The following KIAA1614 variants were observed in gnomAD, a reference collection of about 807,000 sequenced individuals.
KIAA1614 encodes the protein KIAA1614, also known as uncharacterized protein KIAA1614.
KIAA1614 carries 76 observed loss-of-function variants against 88.7 expected under a neutral mutation model. The ratio of observed to expected loss-of-function variants is 0.86; its 90% CI spans 0.71 to 1.04. The LOEUF is 1.04. Among genes scored for constraint, KIAA1614 ranks in the 50% least tolerant of loss-of-function variants. The pLI is 0.00. For missense variants in KIAA1614, 1,553 were observed against 1,582.5 expected, an observed-to-expected ratio of 0.98 and a Z score of 0.32; for synonymous variants, 714 against 675.5, an observed-to-expected ratio of 1.06 and a Z score of -0.88.
chr1:180,925,857 G>A (rs1654056167), intron 3 of KIAA1614, among the ~76,000 whole-genome samples: 1 of 143,142 alleles, frequency 7.0e-6, no homozygotes, highest in Non-Finnish European at 1.6e-5. Context: ...CATCTGTGGT[G>A]GGAACTCCCC....
intron 3 of KIAA1614, among the ~76,000 whole-genome samples, chr1:180,924,794 A>G (rs1654031251): frequency 6.6e-6 from 1 of 151,956 alleles, no homozygotes; most frequent in South Asian, 2.1e-4. Flanking sequence ...AAGTGATCTC[A>G]TCACAGGTGA....
intron 2 of KIAA1614, 88 bp downstream of exon 2, chr1:180,917,188 G>A (rs1653836207): frequency 5.9e-6 from 6 of 1,008,618 alleles, no homozygotes; most frequent in African/African-American, 1.6e-5. Flanking sequence ...CCCACAGAGG[G>A]AGTGGGGCAG....
rs1282805355 is a variant in KIAA1614 at position 180,950,335 on chromosome 1, T to C, written c.*4747T>C. ...ATTGTGAAATTCTCCTGTTTTCCTC[T>C]GCAGGGATCTACGTGCAGGAGATGG... is the stretch of plus-strand genomic sequence containing the variant. On this transcript the variant is annotated 3_prime_UTR_variant, in exon 9 of 9. Transcript: ENST00000367588. 8.3e-7 allele frequency: 1 copy of C among 1,198,264 alleles called. No homozygotes were observed. The highest frequency in any genetic ancestry group is 1.1e-6 in the Non-Finnish European group (1 of 943,446). The allele number at this position is 1,198,264 out of a possible 1,614,324, so 74.2% of individuals were successfully genotyped here.
intron 3 of KIAA1614, among the ~76,000 whole-genome samples, chr1:180,918,588 G>A (rs1441416963): frequency 6.6e-6 from 1 of 152,180 alleles, no homozygotes; most frequent in African/African-American, 2.4e-5. Context: ...CACAGAGGTT[G>A]AACCCAGCCT....
chr1:180,925,983 C>G (rs1654059879), intron 3 of KIAA1614, among the ~76,000 whole-genome samples: 1 of 152,204 alleles, frequency 6.6e-6, no homozygotes, highest in South Asian at 2.1e-4. Flanking sequence ...GCCCCCACTG[C>G]TTGCAGATGG....
intron 6 of KIAA1614, among the ~76,000 whole-genome samples, chr1:180,939,442 T>C (rs993115829): frequency 1.2e-4 from 18 of 152,136 alleles, no homozygotes; most frequent in Non-Finnish European, 1.9e-4. Context: ...CACATCACTG[T>C]CTGTCTGCAC....
At position 180,916,214 on chromosome 1, in the gene KIAA1614, G is replaced by C. The variant is rs766867679; in HGVS notation, c.111G>C (p.Trp37Cys). ...TGGAGGGGACCTCAGCTGTGGAGTG[G>C]AGTGGTCCTGAGCCACAGCTGGATA... ...SPVEGTSAVE[W>C]SGPEPQLDNG... Residue 37 changes from tryptophan to cysteine, a missense_variant, in exon 2 of 9, where the codon TGG becomes TGC. Trp to Cys is a radical substitution (Grantham distance 215). Transcript: ENST00000367588. 6.2e-7 allele frequency: 1 copy of C among 1,611,594 alleles called. No homozygotes were observed. Among genetic ancestry groups the C allele is most frequent in the Admixed American group, 1.7e-5 (1 of 59,860 alleles).
In KIAA1614 at chr1:180,913,248, A is replaced by T; in HGVS notation, c.5A>T (p.Glu2Val). The T allele has an allele frequency of 7.9e-7, 1 of 1,261,186 alleles. No homozygotes were observed. The highest frequency in any genetic ancestry group is 3.4e-5 in the South Asian group (1 of 29,144). The allele number at this position is 1,261,186 out of a possible 1,614,324, so 78.1% of individuals were successfully genotyped here. ...AGGGCCTGGCCTCTCCGAGGGATGG[A>T]GGGGACAGAGGCGGCGGCGGCCAAA... Reference protein sequence around the residue: MEGTEAAAAKPA... With the variant: MVGTEAAAAKPA... The change falls in exon 1 of 9, where the codon GAG becomes GTG. Residue 2 changes from glutamate to valine, a missense_variant. By Grantham distance (121) the Glu-to-Val change is moderately radical. Transcript: ENST00000367588.
Position 180,943,547 on chromosome 1 carries a change from G to GTTTTTT in KIAA1614, c.3160-842_3160-841insTTTTTT, listed in dbSNP as rs1558073455. ...GGGATTGTAGGATTGAATGGTAGTA[G>GTTTTTT]ATCTTTTTTTTTTTTTTTTGAGACA... is the stretch of plus-strand genomic sequence containing the variant. On this transcript the variant is annotated intron_variant, in intron 7 of 8. Transcript: ENST00000367588. 1.9e-3 allele frequency among the ~76,000 whole-genome samples: 30 copies of GTTTTTT among 15,610 alleles called. 1 individual carries two copies. The highest frequency in any genetic ancestry group is 3.0e-3 in the Admixed American group (4 of 1,352). The allele number at this position is 15,610 out of a possible 152,430, so 10.2% of individuals were successfully genotyped here. A position where few individuals can be genotyped will look rare whatever the true frequency, so the allele number is the denominator to read the frequency against.
Position 180,936,352 on chromosome 1 carries a change from A to G in KIAA1614, c.2443A>G (p.Lys815Glu), listed in dbSNP as rs926480099. Residue 815 changes from lysine (K) to glutamate (E), a missense_variant, in exon 5 of 9, where the codon AAA becomes GAA. Physicochemically the swap from Lys to Glu is moderately conservative, Grantham distance 56. Transcript: ENST00000367588. The stretch of plus-strand genomic sequence containing the variant: ...GGCGCCAACCCCTCCCCCTTCGAGG[A>G]AAACCACCTCGCCAGTGTCTCACAG... ...GWAPTPPPSR[K>E]TTSPVSHRKA... 3 of 1,614,096 alleles carry G rather than the reference A, an allele frequency of 1.9e-6. No homozygotes were observed. In the African/African-American group the frequency reaches 4.0e-5, roughly 22 times the overall value.
intron 1 of KIAA1614, among the ~76,000 whole-genome samples, chr1:180,914,620 C>A (rs950062796): frequency 2.0e-5 from 3 of 151,220 alleles, no homozygotes; most frequent in Non-Finnish European, 4.4e-5. Context: ...CGGGATCTCG[C>A]CTCACTGTAA....
Position 180,945,646 on chromosome 1 carries a change from C to G in KIAA1614, c.*58C>G. The G allele has an allele frequency of 6.6e-7, 1 of 1,510,938 alleles. No individual in the cohort carries two copies. The highest frequency in any genetic ancestry group is 8.8e-7 in the Non-Finnish European group (1 of 1,137,574). The allele number at this position is 1,510,938 out of a possible 1,614,324, so 93.6% of individuals were successfully genotyped here. A position where few individuals can be genotyped will look rare whatever the true frequency, so the allele number is the denominator to read the frequency against. On this transcript the variant is annotated 3_prime_UTR_variant, in exon 9 of 9. Transcript: ENST00000367588. ...GACTACAGGACTAGGCTTCTCCCCTCAGGGGCTCTTTCTGAATTGTCCAGG... is the reference window on the plus strand; with the variant it reads ...GACTACAGGACTAGGCTTCTCCCCTGAGGGGCTCTTTCTGAATTGTCCAGG...
chr1:180,939,496 C>T (rs1047884492), intron 6 of KIAA1614, among the ~76,000 whole-genome samples: 1 of 152,122 alleles, frequency 6.6e-6, no homozygotes, highest in Non-Finnish European at 1.5e-5. Flanking sequence ...GCTTCCTCTT[C>T]CTTCTCTCCC....
Position 180,946,683 on chromosome 1 carries a change from G to C in KIAA1614, c.*1095G>C, listed in dbSNP as rs991823357. 1 of 152,262 alleles carries C rather than the reference G, an allele frequency of 6.6e-6. No homozygotes were observed. The highest frequency in any genetic ancestry group is 2.1e-4 in the South Asian group (1 of 4,830). The allele number at this position is 152,262 out of a possible 1,614,324, so 9.4% of individuals were successfully genotyped here. On this transcript the variant is annotated 3_prime_UTR_variant, in exon 9 of 9. Transcript: ENST00000367588. ...GCTGCGGCCGGGCTCTGCCGATGGG[G>C]GGTTGAGTCCTGTGCTTTGATCTCC...
In KIAA1614 at chr1:180,935,491, C is replaced by T; in HGVS notation, c.1582C>T (p.Pro528Ser). 6.7e-7 allele frequency: 1 copy of T among 1,495,496 alleles called. No homozygotes were observed. The highest frequency in any genetic ancestry group is 8.9e-7 in the Non-Finnish European group (1 of 1,128,008). The allele number at this position is 1,495,496 out of a possible 1,614,324, so 92.6% of individuals were successfully genotyped here. A position where few individuals can be genotyped will look rare whatever the true frequency, so the allele number is the denominator to read the frequency against. The change falls in exon 5 of 9, where the codon CCG becomes TCG. Residue 528 changes from proline to serine, a missense_variant. Transcript: ENST00000367588. The surrounding 1 kb of genome is among the most constrained non-coding windows in gnomAD (Gnocchi z 6.1). ...SLDRRGHPAP[P>S]APGSERRCQA... Reference sequence around the variant, plus strand: ...GGACCGCAGGGGACACCCGGCACCGCCGGCACCGGGCAGCGAGAGGAGGTG... The same window carrying T: ...GGACCGCAGGGGACACCCGGCACCGTCGGCACCGGGCAGCGAGAGGAGGTG...
In KIAA1614 at chr1:180,916,511, AGGTG is replaced by A; in HGVS notation, c.409_412del (p.Gly137LeufsTer112). 6.2e-7 allele frequency: 1 copy of A among 1,614,056 alleles called. No individual in the cohort carries two copies. The highest frequency in any genetic ancestry group is 8.5e-7 in the Non-Finnish European group (1 of 1,180,020). ...CTCCATCAGAGGGGTCTTTCCTGCC[AGGTG>A]CTGTGGTGGCTCCTCGTACCCAAAA... On this transcript the variant is annotated frameshift_variant, in exon 2 of 9. Coordinates refer to ENST00000367588, the MANE Select transcript of KIAA1614 (RefSeq NM_020950.2). LOFTEE classifies it high-confidence loss of function.
intron 3 of KIAA1614, among the ~76,000 whole-genome samples, chr1:180,925,123 C>T (rs1654040249): frequency 6.6e-6 from 1 of 152,086 alleles, no homozygotes. Context: ...ACACACTTCC[C>T]CGCCACTCTA....
chr1:180,943,566 T>TTTTTTTTTTTTTA, intron 7 of KIAA1614, among the ~76,000 whole-genome samples: 10 of 144,394 alleles, frequency 6.9e-5, no homozygotes, highest in African/African-American at 1.5e-4. Flanking sequence ...TTTTTTTTTT[T>TTTTTTTTTTTTTA]GAGACAGGGT....
chr1:180,935,933 A>G lies in KIAA1614; in HGVS notation c.2024A>G (p.Gln675Arg). 6.2e-7 allele frequency: 1 copy of G among 1,614,062 alleles called. No homozygotes were observed. The highest frequency in any genetic ancestry group is 8.5e-7 in the Non-Finnish European group (1 of 1,179,928). ...AELPWGLQAQQHLPRADDVEV... is the reference protein window; with the variant it reads ...AELPWGLQAQRHLPRADDVEV... Reference sequence around the variant, plus strand: ...CTCCCTTGGGGCCTTCAGGCCCAGCAACACCTGCCTAGGGCTGATGATGTG... The same window carrying G: ...CTCCCTTGGGGCCTTCAGGCCCAGCGACACCTGCCTAGGGCTGATGATGTG... The change falls in exon 5 of 9, where the codon CAA (glutamine) becomes CGA (arginine). Residue 675 changes from glutamine to arginine, a missense_variant. Physicochemically the swap from Gln to Arg is conservative, Grantham distance 43 (BLOSUM62 1). Transcript: ENST00000367588. This position sits in a 1 kb window ranked among gnomAD's most constrained non-coding sequence, Gnocchi z 6.1.
Sources: gnomAD v4.1 joint callset for allele counts (sites outside exome capture counted in the v4.1 genomes callset) on GRCh38, gnomAD v4.1.1 for gene constraint, Gnocchi (gnomAD v3.1) non-coding constraint, MANE v1.5 for transcripts, NCBI Gene and HGNC (gene_info 2026-07-23, HGNC 2026-07-21) for gene names.